Variants in ZFYVE9 observed in about 807,000 individuals in gnomAD.
The protein encoded by ZFYVE9 is zinc finger FYVE-type containing 9, also known as zinc finger FYVE domain-containing protein 9.
ZFYVE9 carries 43 observed loss-of-function variants against 126.7 expected under a neutral mutation model. The observed-to-expected ratio is 0.34, with a 90% CI of 0.27 to 0.44. ZFYVE9 has a LOEUF of 0.44. Among genes scored for constraint, ZFYVE9 ranks in the 20% least tolerant of loss-of-function variants. The probability of loss-of-function intolerance (pLI) is 1.00; values close to 1 mark genes in which losing one functional copy is unlikely to be tolerated. For synonymous variants in ZFYVE9, 521 were observed against 597.4 expected (o/e 0.87, Z 1.87); for missense variants, 1,476 against 1,697.0 (o/e 0.87, Z 2.29).
chr1:52,263,438 A>G (rs980105203), intron 4 of ZFYVE9, among the ~76,000 whole-genome samples: 8 of 152,152 alleles, frequency 5.3e-5, no homozygotes, highest in South Asian at 2.1e-4. Context: ...ACATGTAACT[A>G]TCTTTCAACA....
Position 52,142,135 on chromosome 1 carries a change from G to C in ZFYVE9, c.-411G>C, listed in dbSNP as rs1012329465. 1 of 151,290 alleles carries C rather than the reference G, an allele frequency of 6.6e-6. No individual in the cohort carries two copies. The highest frequency in any genetic ancestry group is 1.5e-5 in the Non-Finnish European group (1 of 67,708). The allele number at this position is 151,290 out of a possible 1,614,324, so 9.4% of individuals were successfully genotyped here. A position where few individuals can be genotyped will look rare whatever the true frequency, so the allele number is the denominator to read the frequency against. ...TGAGGATCCCCGCCTGCCGCACCTC[G>C]GTCGTCCCGCCGCAGCCTTGCGCCC... is the stretch of plus-strand genomic sequence containing the variant. On this transcript the variant is annotated 5_prime_UTR_variant, in exon 1 of 19. Transcript: ENST00000287727. The surrounding 1 kb of genome is among the most constrained non-coding windows in gnomAD (Gnocchi z 4.5).
chr1:52,295,150 A>T (rs1389726856), intron 11 of ZFYVE9, among the ~76,000 whole-genome samples: 1 of 152,132 alleles, frequency 6.6e-6, no homozygotes, highest in African/African-American at 2.4e-5. Flanking sequence ...GCAGGAGATC[A>T]TGCCACTGCA....
chr1:52,269,766 C>A (rs961389226), intron 7 of ZFYVE9, among the ~76,000 whole-genome samples: 1 of 151,806 alleles, frequency 6.6e-6, no homozygotes, highest in South Asian at 2.1e-4. Context: ...TTTATTCCCC[C>A]CAACTGTTTT....
chr1:52,251,831 T>C (rs1433917587), intron 4 of ZFYVE9, among the ~76,000 whole-genome samples: 1 of 152,146 alleles, frequency 6.6e-6, no homozygotes, highest in Non-Finnish European at 1.5e-5. Flanking sequence ...CTTTACTTTG[T>C]TGGGAAGTTT....
chr1:52,323,223 G>A (rs780667396), intron 13 of ZFYVE9, among the ~76,000 whole-genome samples: 4 of 152,266 alleles, frequency 2.6e-5, no homozygotes, highest in African/African-American at 4.8e-5. Context: ...GGCCTTGCAC[G>A]TATCCCCATG....
intron 1 of ZFYVE9, among the ~76,000 whole-genome samples, chr1:52,187,067 A>G (rs1281724898): frequency 2.0e-5 from 3 of 152,154 alleles, no homozygotes; most frequent in Non-Finnish European, 2.9e-5. Context: ...CACTCAAACT[A>G]TACTACAGTG....
At chr1:52,144,484 T>C (rs1326533321) in intron 1 of ZFYVE9, among the ~76,000 whole-genome samples, 1 of 152,180 alleles carries the variant, frequency 6.6e-6, no homozygotes, top group Middle Eastern at 3.2e-3. Flanking sequence ...ACTTTATTTT[T>C]ATCAGTCTCC....
chr1:52,285,526 G>A (rs572280558), intron 10 of ZFYVE9, among the ~76,000 whole-genome samples: 8 of 152,214 alleles, frequency 5.3e-5, no homozygotes, highest in Middle Eastern at 3.4e-3. Flanking sequence ...TCATAGAAGT[G>A]CGAACCCTGT....
intron 14 of ZFYVE9, 80 bp from the exon 15 acceptor site, chr1:52,334,608 A>G (rs1646372638): frequency 6.9e-7 from 1 of 1,447,112 alleles, no homozygotes; most frequent in Non-Finnish European, 9.6e-7. Context: ...GGAATTCTCA[A>G]CTTCTGAATA....
At chr1:52,343,837 C>T (rs899982375) in intron 17 of ZFYVE9, among the ~76,000 whole-genome samples, 3 of 150,614 alleles carry the variant, frequency 2.0e-5, no homozygotes, top group South Asian at 2.1e-4. Context: ...TTTGGGAGGC[C>T]GAGGTGGACA....
chr1:52,168,455 G>A (rs909009313), intron 1 of ZFYVE9, among the ~76,000 whole-genome samples: 2 of 151,334 alleles, frequency 1.3e-5, no homozygotes, highest in Non-Finnish European at 2.9e-5. Context: ...GACCTCAGGT[G>A]ATCTGCCTGC....
intron 7 of ZFYVE9, among the ~76,000 whole-genome samples, chr1:52,272,671 A>ATTTTTTTTTTTTTTTTT (rs1645704660): frequency 7.4e-6 from 1 of 134,850 alleles, no homozygotes; most frequent in South Asian, 2.3e-4. Context: ...GCTAGAAATA[A>ATTTTTTTTTTTTTTTTT]TCTTTTTTTT....
chr1:52,271,708 A>G, intron 7 of ZFYVE9, among the ~76,000 whole-genome samples: 1 of 152,228 alleles, frequency 6.6e-6, no homozygotes. Context: ...TTTGCCAGTA[A>G]AATTTTATAA....
chr1:52,255,935 TTTCTTTTCTTTTCTTTTC>T (rs962529011), intron 4 of ZFYVE9, among the ~76,000 whole-genome samples: 6 of 124,882 alleles, frequency 4.8e-5, no homozygotes, highest in Non-Finnish European at 7.8e-5. Flanking sequence ...TTTCTTTTCT[TTTCTTTTCTTTTCTTTTC>T]TTTTCTTTTC....
At chr1:52,176,548 C>G (rs1487987147) in intron 1 of ZFYVE9, among the ~76,000 whole-genome samples, 2 of 152,182 alleles carry the variant, frequency 1.3e-5, no homozygotes, top group Non-Finnish European at 2.9e-5. Context: ...TTTAAGTCTG[C>G]AGAGGTTACT....
intron 4 of ZFYVE9, among the ~76,000 whole-genome samples, chr1:52,239,800 G>A (rs1039288152): frequency 2.0e-5 from 3 of 152,046 alleles, no homozygotes; most frequent in Admixed American, 6.6e-5. Flanking sequence ...TTGTTGCCAC[G>A]ATTTATGCTG....
chr1:52,183,180 G>C (rs1644730830), intron 1 of ZFYVE9, among the ~76,000 whole-genome samples: 1 of 152,284 alleles, frequency 6.6e-6, no homozygotes, highest in South Asian at 2.1e-4. Flanking sequence ...AGATGTTGAG[G>C]ATGTTTACAG....
At chr1:52,290,155 A>G (rs1645903877) in intron 10 of ZFYVE9, among the ~76,000 whole-genome samples, 1 of 152,226 alleles carries the variant, frequency 6.6e-6, no homozygotes, top group Non-Finnish European at 1.5e-5. Context: ...GCAAAGTCCA[A>G]GATTGAGGGG....
intron 10 of ZFYVE9, among the ~76,000 whole-genome samples, chr1:52,286,137 C>T (rs1311869641): frequency 6.9e-6 from 1 of 144,566 alleles, no homozygotes; most frequent in Non-Finnish European, 1.5e-5. Context: ...GCTTGGGCAA[C>T]AAGAATGAGA....
Sources: allele counts gnomAD v4.1 joint callset (sites outside exome capture counted in the v4.1 genomes callset), GRCh38; gene constraint gnomAD v4.1.1; non-coding constraint Gnocchi (gnomAD v3.1); transcripts MANE v1.5; gene names NCBI Gene and HGNC (gene_info 2026-07-23, HGNC 2026-07-21).